The following KLRG2 variants were observed in gnomAD, a reference collection of about 807,000 sequenced individuals.
KLRG2 encodes the protein killer cell lectin-like receptor subfamily G member 2.
A neutral mutation model predicts 35.4 loss-of-function variants in KLRG2; 39 were observed. The ratio of observed to expected loss-of-function variants is 1.10; its 90% confidence interval spans 0.85 to 1.44. KLRG2 has a LOEUF of 1.44. Ranked by LOEUF, KLRG2 falls within the 40% of genes most tolerant of loss-of-function variation. KLRG2 has a pLI of 0.00. For missense variants in KLRG2, 632 were observed against 570.9 expected (o/e 1.11, Z -1.09); for synonymous variants, 283 against 265.8 (o/e 1.06, Z -0.63).
chr7:139,480,534 C>T (rs1457449615), intron 1 of KLRG2, among the ~76,000 whole-genome samples: 1 of 148,736 alleles, frequency 6.7e-6, no homozygotes, highest in Non-Finnish European at 1.5e-5. Flanking sequence ...CAACCTCTGC[C>T]TCCCGGGTTC....
chr7:139,453,484 T>C lies in KLRG2; in HGVS notation c.*103A>G, dbSNP rs1796404442. 2 of 1,277,730 alleles carry C rather than the reference T, an allele frequency of 1.6e-6. No individual in the cohort carries two copies. The highest frequency in any genetic ancestry group is 1.5e-5 in the African/African-American group (1 of 67,050). 79.1% of individuals were successfully genotyped at this position (1,277,730 alleles called of 1,614,324 possible). On this transcript the variant is annotated 3_prime_UTR_variant, in exon 5 of 5. Transcript: ENST00000340940. ...CCCCCTTGAGCAGAGCATGAAGACC[T>C]GGATAACTGGGTCCAGGAAGAGGCT... is the stretch of plus-strand genomic sequence containing the variant.
chr7:139,431,292 C>T, the KLRG2 span, among the ~76,000 whole-genome samples: 10 of 152,136 alleles, frequency 6.6e-5, no homozygotes, highest in Admixed American at 1.3e-4. Flanking sequence ...AACTTTCTAG[C>T]GTGTTGGAAA....
intron 1 of KLRG2, 119 bp downstream of exon 1, chr7:139,482,767 G>T: frequency 1.1e-6 from 1 of 913,538 alleles, no homozygotes; most frequent in Non-Finnish European, 1.5e-6. Context: ...GATCGGGATG[G>T]CCAACTGGGT....
At chr7:139,473,026 A>G (rs999862221) in intron 3 of KLRG2, among the ~76,000 whole-genome samples, 2 of 152,200 alleles carry the variant, frequency 1.3e-5, no homozygotes, top group African/African-American at 4.8e-5. Flanking sequence ...TCGCGCCTGT[A>G]ATCCCAGTAC....
chr7:139,483,609 G>A lies in KLRG2; in HGVS notation c.34C>T (p.Gln12Ter), dbSNP rs766770185. 193 of 1,580,080 alleles carry A rather than the reference G, an allele frequency of 1.2e-4. No homozygotes were observed. Among genetic ancestry groups the A allele is most frequent in the Non-Finnish European group, 1.5e-4 (177 of 1,171,828 alleles). Residue 12 changes from glutamine (Q) to a stop codon, truncating the protein, a stop_gained, in exon 1 of 5, where the codon CAA becomes TAA. Transcript: ENST00000340940. LOFTEE classifies it high-confidence loss of function. Reference sequence around the variant, plus strand: ...TCCATTGGGAGCTCTGCCCCGGCTTGGCCTCCGGGCGCAGCCTCCCAAGAC... The same window carrying A: ...TCCATTGGGAGCTCTGCCCCGGCTTAGCCTCCGGGCGCAGCCTCCCAAGAC... ...EESWEAAPGGQAGAELPMEPV... is the reference protein window; with the variant it reads ...EESWEAAPGG
At chr7:139,478,631 C>T (rs1796898364) in intron 3 of KLRG2, among the ~76,000 whole-genome samples, 1 of 150,448 alleles carries the variant, frequency 6.6e-6, no homozygotes. Flanking sequence ...GATTATGCCA[C>T]TGCACTCCAG....
chr7:139,470,476 C>T (rs1157061072), intron 3 of KLRG2, among the ~76,000 whole-genome samples: 3 of 152,104 alleles, frequency 2.0e-5, no homozygotes, highest in South Asian at 2.1e-4. Context: ...GTCAAACTGA[C>T]AAAGATTTAA....
At chr7:139,428,516 C>T in the KLRG2 span, among the ~76,000 whole-genome samples, 161 of 152,232 alleles carry the variant, frequency 1.1e-3, no homozygotes, top group Middle Eastern at 0.02. Context: ...ACCTTGGCTT[C>T]CCAAAGTGCT....
At chr7:139,479,597 A>G (rs763373157) in intron 3 of KLRG2, 30 bp downstream of exon 3, 7 of 1,601,158 alleles carry the variant, frequency 4.4e-6, no homozygotes, top group Non-Finnish European at 6.0e-6. Context: ...AAAGATCTGT[A>G]CCCCCTTAGA....
In KLRG2 at chr7:139,479,644, G is replaced by C; in HGVS notation, c.988C>G (p.Leu330Val). ...FCSAYHATLP[L>V]LSHTQDFLGR... is the part of the protein sequence containing the mutation. ...CTTCTCACCTGGGTGTGGCTTAGCA[G>C]GGGGAGGGTAGCGTGGTAGGCTGAG... Residue 330 changes from leucine to valine, a missense_variant, in exon 3 of 5, where the codon CTG becomes GTG. Transcript: ENST00000340940. 1 of 1,613,154 alleles carries C rather than the reference G, an allele frequency of 6.2e-7. No individual in the cohort carries two copies. The highest frequency in any genetic ancestry group is 8.5e-7 in the Non-Finnish European group (1 of 1,179,974).
chr7:139,435,976 A>C, the KLRG2 span, among the ~76,000 whole-genome samples: 1 of 150,900 alleles, frequency 6.6e-6, no homozygotes. Context: ...ATCTTGGCTC[A>C]TTGCAACCTC....
intron 3 of KLRG2, among the ~76,000 whole-genome samples, chr7:139,460,949 C>G (rs555120899): frequency 6.6e-5 from 10 of 151,550 alleles, no homozygotes; most frequent in African/African-American, 2.2e-4. Context: ...GGTGACAGAG[C>G]GAGACTCTGT....
chr7:139,465,658 CT>C (rs748158986), intron 3 of KLRG2, among the ~76,000 whole-genome samples: 1 of 149,516 alleles, frequency 6.7e-6, no homozygotes, highest in Non-Finnish European at 1.5e-5. Flanking sequence ...CACCACTGCA[CT>C]CCAGCCTGGG....
At chr7:139,450,882 C>G (rs886913812), downstream of KLRG2, among the ~76,000 whole-genome samples, 2 of 152,150 alleles carry the variant, frequency 1.3e-5, no homozygotes, top group Non-Finnish European at 2.9e-5. Flanking sequence ...CCATGTGACA[C>G]TGGGTGACTT....
At chr7:139,480,038 G>C (rs1205895275) in intron 2 of KLRG2, 108 bp downstream of exon 2, 1 of 836,506 alleles carries the variant, frequency 1.2e-6, no homozygotes, top group East Asian at 2.5e-5. Flanking sequence ...TCTTCGTGTT[G>C]CATCTCCCAG....
At chr7:139,476,274 G>A (rs1168204789) in intron 3 of KLRG2, among the ~76,000 whole-genome samples, 1 of 152,080 alleles carries the variant, frequency 6.6e-6, no homozygotes, top group Admixed American at 6.6e-5. Context: ...GAAAAGACAT[G>A]CGACCTAGGA....
chr7:139,459,403 C>T (rs898512492), intron 3 of KLRG2, among the ~76,000 whole-genome samples: 21 of 152,208 alleles, frequency 1.4e-4, no homozygotes, highest in African/African-American at 2.7e-4. Context: ...ATATGATCCC[C>T]GCCCTGCTTG....
At chr7:139,457,514 G>GCATATGTT (rs1796497496) in intron 3 of KLRG2, among the ~76,000 whole-genome samples, 1 of 152,194 alleles carries the variant, frequency 6.6e-6, no homozygotes, top group Non-Finnish European at 1.5e-5. Flanking sequence ...TGAGGCTTGA[G>GCATATGTT]ATACTAACAT....
intron 3 of KLRG2, among the ~76,000 whole-genome samples, chr7:139,479,255 G>T (rs1026259119): frequency 3.9e-5 from 6 of 152,034 alleles, no homozygotes; most frequent in Admixed American, 2.6e-4. Context: ...GCTAATTTTT[G>T]TATTTTTGGT....
Sources: gnomAD v4.1 joint callset for allele counts (sites outside exome capture counted in the v4.1 genomes callset) on GRCh38, gnomAD v4.1.1 for gene constraint, MANE v1.5 for transcripts, NCBI Gene and HGNC (gene_info 2026-07-23, HGNC 2026-07-21) for gene names.